Variants in HMGN5 observed in about 807,000 individuals in gnomAD.
The protein encoded by HMGN5 is high mobility group nucleosome binding domain 5, also known as high mobility group nucleosome-binding domain-containing protein 5.
HMGN5 carries 4 observed loss-of-function variants against 9.5 expected under a neutral mutation model. The observed-to-expected ratio is 0.42, with a 90% confidence interval of 0.21 to 0.96. The LOEUF (loss-of-function observed/expected upper bound fraction) is 0.96. Ranked by LOEUF, HMGN5 falls within the 40% of genes least tolerant of loss-of-function variation. The pLI is 0.30. For synonymous variants in HMGN5, 55 were observed against 57.1 expected, an observed-to-expected ratio of 0.96 and a Z score of 0.16; for missense variants, 192 against 187.5, an observed-to-expected ratio of 1.02 and a Z score of -0.14.
intron 1 of HMGN5, among the ~76,000 whole-genome samples, chrX:81,159,880 A>T (rs1030087781): frequency 1.8e-5 from 2 of 111,580 alleles, no homozygotes; most frequent in African/African-American, 6.5e-5. Context: ...TTTAAAAAGG[A>T]GTACTTTTTC....
At chrX:81,166,476 C>G (rs977341827) in intron 1 of HMGN5, among the ~76,000 whole-genome samples, 1 of 111,535 alleles carries the variant, frequency 9.0e-6, no homozygotes, top group Non-Finnish European at 1.9e-5. Context: ...TAGTAAATCG[C>G]TGTATTACAT....
At chrX:81,161,129 A>G (rs1300245052) in intron 1 of HMGN5, among the ~76,000 whole-genome samples, 2 of 110,565 alleles carry the variant, frequency 1.8e-5, no homozygotes, top group Admixed American at 9.6e-5. Context: ...AATTGCCCCA[A>G]GAATATTGCC....
At chrX:81,195,448 C>T (rs749090642) in intron 1 of HMGN5, among the ~76,000 whole-genome samples, 1 of 111,202 alleles carries the variant, frequency 9.0e-6, no homozygotes, top group Non-Finnish European at 1.9e-5. Flanking sequence ...TCCACTGACT[C>T]ATATGTTAAT....
At chrX:81,118,676 A>C in intron 4 of HMGN5, 54 bp downstream of exon 4, 1 of 1,080,115 alleles carries the variant, frequency 9.3e-7, no homozygotes, top group East Asian at 3.1e-5. Context: ...GATTCCCTAA[A>C]TTTTAAAATG....
chrX:81,124,706 G>T (rs1373286590), intron 1 of HMGN5, among the ~76,000 whole-genome samples: 1 of 111,766 alleles, frequency 8.9e-6, no homozygotes, highest in Non-Finnish European at 1.9e-5. Flanking sequence ...GAGTAAAAAG[G>T]TTATTTTTGT....
At chrX:81,167,152 G>T (rs1310758806) in intron 1 of HMGN5, among the ~76,000 whole-genome samples, 1 of 111,017 alleles carries the variant, frequency 9.0e-6, no homozygotes, top group African/African-American at 3.3e-5. Flanking sequence ...CCCTTGGAGG[G>T]AATTAGGTTT....
intron 1 of HMGN5, among the ~76,000 whole-genome samples, chrX:81,198,853 AC>A (rs1481073406): frequency 8.9e-6 from 1 of 112,045 alleles, no homozygotes; most frequent in African/African-American, 3.2e-5. Flanking sequence ...ATCCTATTTA[AC>A]ATAGTGTTGG....
In HMGN5 at chrX:81,147,249, A is replaced by G. The variant is rs1480185643; in HGVS notation, c.-123-25577T>C. 3.6e-5 allele frequency among the ~76,000 whole-genome samples: 4 copies of G among 111,781 alleles called. No individual in the cohort carries two copies. The South Asian group carries it at 1.1e-3, about 31-fold the overall frequency. On this transcript the variant is annotated intron_variant, in intron 1 of 6. Coordinates refer to ENST00000358130, the MANE Select transcript of HMGN5 (RefSeq NM_030763.3). Reference sequence around the variant, plus strand: ...GAACATCAATGCAAAAATCCTCAATAAAATACTGGCAAACCAAATCCAGCA... The same window carrying G: ...GAACATCAATGCAAAAATCCTCAATGAAATACTGGCAAACCAAATCCAGCA...
chrX:81,148,289 A>G (rs1052794188), intron 1 of HMGN5, among the ~76,000 whole-genome samples: 7 of 111,835 alleles, frequency 6.3e-5, no homozygotes, highest in Non-Finnish European at 1.3e-4. Flanking sequence ...AGATATATAG[A>G]CCAATGGAAC....
rs181437781 is a variant in HMGN5 at position 81,121,707 on chromosome X, A to G, written c.-123-35T>C. On this transcript the variant is annotated intron_variant, in intron 1 of 6. Transcript: ENST00000358130. The stretch of plus-strand genomic sequence containing the variant: ...AAAAAAATCCCTCGTTATTGGCAAC[A>G]TTAAACACGCCAAGACGCAACCAAA... 1,773 of 392,719 alleles carry G rather than the reference A, an allele frequency of 4.5e-3. 19 individuals are homozygous for G. The highest frequency in any genetic ancestry group is 0.036 in the East Asian group (809 of 22,548). The allele number at this position is 392,719 out of a possible 1,213,427, so 32.4% of individuals were successfully genotyped here. A position where few individuals can be genotyped will look rare whatever the true frequency, so the allele number is the denominator to read the frequency against.
chrX:81,149,980 C>G (rs1335626472), intron 1 of HMGN5, among the ~76,000 whole-genome samples: 2 of 111,721 alleles, frequency 1.8e-5, no homozygotes, highest in East Asian at 5.6e-4. Context: ...ACACCCCACT[C>G]TCAGCATTGT....
Position 81,180,980 on chromosome X carries a change from G to A in HMGN5, c.-124+20757C>T, listed in dbSNP as rs779712438. Reference sequence around the variant, plus strand: ...AACCAAACACTGTATATTCTCAGTCGTAGGTGGGAATTGACCACTGTGATC... The same window carrying A: ...AACCAAACACTGTATATTCTCAGTCATAGGTGGGAATTGACCACTGTGATC... On this transcript the variant is annotated intron_variant, in intron 1 of 6. Coordinates refer to ENST00000358130, the MANE Select transcript of HMGN5 (RefSeq NM_030763.3). Among the ~76,000 whole-genome samples the A allele has an allele frequency of 4.6e-4, 51 of 110,711 alleles. No homozygotes were observed. The Middle Eastern group carries it at 0.014, about 30-fold the overall frequency.
At chrX:81,137,651 G>GA (rs1358230654) in intron 1 of HMGN5, among the ~76,000 whole-genome samples, 8 of 110,259 alleles carry the variant, frequency 7.3e-5, no homozygotes, top group Non-Finnish European at 1.3e-4. Flanking sequence ...CTAGAAAAAA[G>GA]AAAAAAGACA....
intron 1 of HMGN5, among the ~76,000 whole-genome samples, chrX:81,139,586 C>T (rs762840460): frequency 2.7e-5 from 3 of 111,583 alleles, no homozygotes; most frequent in South Asian, 3.7e-4. Flanking sequence ...CTGAAAGAGG[C>T]GCTGAAGAGA....
intron 1 of HMGN5, among the ~76,000 whole-genome samples, chrX:81,128,450 C>G (rs1276991093): frequency 9.0e-6 from 1 of 111,317 alleles, no homozygotes; most frequent in Non-Finnish European, 1.9e-5. Context: ...AAAATATGCT[C>G]TCTAAATAGT....
intron 1 of HMGN5, among the ~76,000 whole-genome samples, chrX:81,186,869 G>A (rs772611502): frequency 1.8e-4 from 20 of 110,945 alleles, no homozygotes; most frequent in African/African-American, 6.2e-4. Flanking sequence ...TGCTTTTGCC[G>A]TATCTCATAG....
intron 1 of HMGN5, among the ~76,000 whole-genome samples, chrX:81,187,090 A>T (rs1309418457): frequency 8.9e-6 from 1 of 111,879 alleles, no homozygotes; most frequent in African/African-American, 3.2e-5. Context: ...ATTTTTAAAA[A>T]TTTTTAAAGA....
At chrX:81,151,939 A>T (rs1354527512) in intron 1 of HMGN5, among the ~76,000 whole-genome samples, 1 of 111,434 alleles carries the variant, frequency 9.0e-6, no homozygotes, top group Non-Finnish European at 1.9e-5. Flanking sequence ...ATACCTTTTA[A>T]TATGTAGAAA....
chrX:81,195,656 A>C (rs1190914200), intron 1 of HMGN5, among the ~76,000 whole-genome samples: 1 of 111,526 alleles, frequency 9.0e-6, no homozygotes, highest in East Asian at 2.8e-4. Flanking sequence ...CTCTGGAGTC[A>C]GTGATACCCA....
Sources: allele counts gnomAD v4.1 joint callset (sites outside exome capture counted in the v4.1 genomes callset), GRCh38; gene constraint gnomAD v4.1.1; transcripts MANE v1.5; gene names NCBI Gene and HGNC (gene_info 2026-07-23, HGNC 2026-07-21).